The following RETREG1 variants were observed in gnomAD, a reference collection of about 807,000 sequenced individuals.
RETREG1 encodes the protein reticulophagy regulator 1, also known as family with sequence similarity 134 member B.
RETREG1 carries 44 observed loss-of-function variants against 54.8 expected under a neutral mutation model. The observed-to-expected ratio is 0.80, with a 90% CI of 0.63 to 1.03. The LOEUF is 1.03. RETREG1 is among the 50% of genes least tolerant of loss of function. The pLI, the probability that RETREG1 is intolerant of heterozygous loss-of-function variation, is 0.00. For synonymous variants in RETREG1, 217 were observed against 238.5 expected, an observed-to-expected ratio of 0.91 and a Z score of 0.83; for missense variants, 554 against 605.1, an observed-to-expected ratio of 0.92 and a Z score of 0.89.
At chr5:16,578,978 C>T (rs998148717) in intron 1 of RETREG1, among the ~76,000 whole-genome samples, 19 of 152,256 alleles carry the variant, frequency 1.2e-4, no homozygotes, top group African/African-American at 4.1e-4. Context: ...ACTTTGACTT[C>T]GAAAGACATC....
chr5:16,587,334 C>T (rs904338983), intron 1 of RETREG1, among the ~76,000 whole-genome samples: 2 of 152,198 alleles, frequency 1.3e-5, no homozygotes, highest in African/African-American at 4.8e-5. Flanking sequence ...AATTTAGATA[C>T]ATGGAAATTA....
chr5:16,545,035 G>A (rs1443363249), intron 3 of RETREG1, among the ~76,000 whole-genome samples: 2 of 152,172 alleles, frequency 1.3e-5, no homozygotes, highest in Non-Finnish European at 2.9e-5. Flanking sequence ...TGAGAGGAAA[G>A]CAGGCTTCAA....
At chr5:16,579,781 G>T (rs147509676) in intron 1 of RETREG1, among the ~76,000 whole-genome samples, 1 of 152,116 alleles carries the variant, frequency 6.6e-6, no homozygotes, top group Non-Finnish European at 1.5e-5. Context: ...TTTTTGTGGC[G>T]TGATAGTACA....
At chr5:16,477,089 A>C (rs1426293148) in intron 8 of RETREG1, among the ~76,000 whole-genome samples, 1 of 152,046 alleles carries the variant, frequency 6.6e-6, no homozygotes, top group Non-Finnish European at 1.5e-5. Flanking sequence ...CGCTTGGGAC[A>C]TTTCAAAGAC....
At position 16,593,224 on chromosome 5, in the gene RETREG1, C is replaced by T. The variant is rs1021519682; in HGVS notation, c.321-21122G>A. Among the ~76,000 whole-genome samples the T allele has an allele frequency of 1.3e-5, 2 of 152,106 alleles. No homozygotes were observed. On this transcript the variant is annotated intron_variant, in intron 1 of 8. Coordinates refer to ENST00000306320, the MANE Select transcript of RETREG1 (RefSeq NM_001034850.3). This position sits in a 1 kb window ranked among gnomAD's most constrained non-coding sequence, Gnocchi z 4.9. ...TTAAATTAGGTCACCCCACTGCTCC[C>T]CCGGAGTGATGTGTTTTCCTTTCAG...
chr5:16,493,141 C>T (rs932522715), intron 3 of RETREG1, among the ~76,000 whole-genome samples: 2 of 152,040 alleles, frequency 1.3e-5, no homozygotes, highest in African/African-American at 4.8e-5. Flanking sequence ...CTTACTTTTG[C>T]GATTGACCCT....
chr5:16,563,944 A>G (rs1016073077), intron 3 of RETREG1, among the ~76,000 whole-genome samples: 1 of 152,198 alleles, frequency 6.6e-6, no homozygotes, highest in African/African-American at 2.4e-5. Context: ...TCCATTGACA[A>G]TATATCTTAA....
intron 3 of RETREG1, among the ~76,000 whole-genome samples, chr5:16,551,203 T>C (rs908966038): frequency 2.0e-5 from 3 of 152,192 alleles, no homozygotes; most frequent in Non-Finnish European, 4.4e-5. Flanking sequence ...TCACACTACC[T>C]ACCTCCATTT....
rs760702791 is a variant in RETREG1 at position 16,595,761 on chromosome 5, G to C, written c.320+20891C>G. On this transcript the variant is annotated intron_variant, in intron 1 of 8. Transcript: ENST00000306320. Reference sequence around the variant, plus strand: ...TAGCAAACCCGGGCTCATTTGTCAGGGGGGCAAGAAAGGATGGTGAAGTCT... The same window carrying C: ...TAGCAAACCCGGGCTCATTTGTCAGCGGGGCAAGAAAGGATGGTGAAGTCT... 3.7e-4 allele frequency among the ~76,000 whole-genome samples: 56 copies of C among 152,140 alleles called. 1 individual carries two copies. Among genetic ancestry groups the C allele is most frequent in the Admixed American group, 1.2e-3 (18 of 15,270 alleles).
At chr5:16,508,030 C>T (rs40032) in intron 3 of RETREG1, among the ~76,000 whole-genome samples, 79,172 of 152,022 alleles carry the variant, frequency 0.52, 20,794 homozygotes, top group Middle Eastern at 0.58. Context: ...TCCCCCTTCT[C>T]AGAGTTAGAT....
chr5:16,523,606 T>C (rs769356472), intron 3 of RETREG1, among the ~76,000 whole-genome samples: 1 of 152,052 alleles, frequency 6.6e-6, no homozygotes, highest in Non-Finnish European at 1.5e-5. Context: ...GCAACTGTAG[T>C]TATTATTTTT....
Position 16,479,219 on chromosome 5 carries a change from C to A in RETREG1, c.671-232G>T, listed in dbSNP as rs190080602. Reference sequence around the variant, plus strand: ...CCACACTTACACAAGTTTATAATTTCTATTCTTTTTCTGTAAGGTAAACAT... The same window carrying A: ...CCACACTTACACAAGTTTATAATTTATATTCTTTTTCTGTAAGGTAAACAT... On this transcript the variant is annotated intron_variant, in intron 5 of 8. Coordinates refer to ENST00000306320, the MANE Select transcript of RETREG1 (RefSeq NM_001034850.3). Among the ~76,000 whole-genome samples the A allele has an allele frequency of 2.7e-3, 411 of 152,062 alleles. 4 individuals are homozygous for A. Among genetic ancestry groups the A allele is most frequent in the Non-Finnish European group, 4.7e-3 (320 of 67,918 alleles).
intron 3 of RETREG1, among the ~76,000 whole-genome samples, chr5:16,545,816 A>T (rs56379171): frequency 1.3e-5 from 2 of 152,180 alleles, no homozygotes; most frequent in South Asian, 2.1e-4. Context: ...GTCTGTTGTC[A>T]GCACAGAAGC....
rs1269466047 is a variant in RETREG1, at chr5:16,597,674, A to G, written c.320+18978T>C. Among the ~76,000 whole-genome samples, 1 of 151,910 alleles carries G rather than the reference A, an allele frequency of 6.6e-6. No individual in the cohort carries two copies. The highest frequency in any genetic ancestry group is 2.1e-4 in the South Asian group (1 of 4,800). On this transcript the variant is annotated intron_variant, in intron 1 of 8. Coordinates refer to ENST00000306320, the MANE Select transcript of RETREG1 (RefSeq NM_001034850.3). This position sits in a 1 kb window ranked among gnomAD's most constrained non-coding sequence, Gnocchi z 4.3. ...CCCCACCAGTGGCTTCCTATAGAAA[A>G]CAGACTTCCCCTTGCTGCCCCACTC...
In RETREG1 at chr5:16,616,724, G is replaced by A. The variant is rs754403913; in HGVS notation, c.248C>T (p.Ala83Val). Residue 83 changes from alanine to valine, a missense_variant, in exon 1 of 9, where the codon GCC becomes GTC. Ala to Val is a moderately conservative substitution (Grantham distance 64). This residue lies in a region of RETREG1 where 175 missense variants were observed against 142.1 expected (regional missense o/e 1.23). Transcript: ENST00000306320. Reference sequence around the variant, plus strand: ...CCTCTTCCAGCTCAGCAGCTCGTCGGCGCGGCAGCCCAGCCACAGCACCGG... The same window carrying A: ...CCTCTTCCAGCTCAGCAGCTCGTCGACGCGGCAGCCCAGCCACAGCACCGG... Reference protein sequence around the residue: ...GEPVLWLGCRADELLSWKRPL... With the variant: ...GEPVLWLGCRVDELLSWKRPL... The A allele has an allele frequency of 6.3e-7, 1 of 1,584,520 alleles. No homozygotes were observed. Among genetic ancestry groups the A allele is most frequent in the South Asian group, 1.1e-5 (1 of 88,776 alleles).
At chr5:16,598,358 G>T (rs2126353864) in intron 1 of RETREG1, among the ~76,000 whole-genome samples, 1 of 152,330 alleles carries the variant, frequency 6.6e-6, no homozygotes, top group East Asian at 1.9e-4. Flanking sequence ...CACATTGTGA[G>T]TTCCATGAGG....
intron 2 of RETREG1, among the ~76,000 whole-genome samples, chr5:16,566,848 G>A (rs559908351): frequency 1.6e-4 from 25 of 152,280 alleles, no homozygotes; most frequent in African/African-American, 5.8e-4. Context: ...GTTGGAGGAA[G>A]GTGGCATATA....
At chr5:16,592,717 TAAAA>T (rs3993837) in intron 1 of RETREG1, among the ~76,000 whole-genome samples, 2 of 149,218 alleles carry the variant, frequency 1.3e-5, no homozygotes, top group Non-Finnish European at 3.0e-5. Flanking sequence ...TATGCAGCCA[TAAAA>T]AAAAAAATCA....
At chr5:16,508,455 G>T in intron 3 of RETREG1, 1 of 940,744 alleles carries the variant, frequency 1.1e-6, no homozygotes, top group Non-Finnish European at 1.7e-6. Context: ...GGAATTAAAG[G>T]ACTGCATTCT....
Sources: gnomAD v4.1 joint callset for allele counts (sites outside exome capture counted in the v4.1 genomes callset) on GRCh38, gnomAD v4.1.1 for gene constraint, gnomAD v4.1.1 regional missense constraint, Gnocchi (gnomAD v3.1) non-coding constraint, MANE v1.5 for transcripts, NCBI Gene and HGNC (gene_info 2026-07-23, HGNC 2026-07-21) for gene names.